The following MYO9A variants were observed in gnomAD, a reference collection of about 807,000 sequenced individuals.
The protein encoded by MYO9A is unconventional myosin-IXa.
MYO9A carries 103 observed loss-of-function variants against 293.3 expected under a neutral mutation model. That is an observed-to-expected ratio of 0.35 (90% confidence interval 0.30 to 0.41). The LOEUF is 0.41. Among genes scored for constraint, MYO9A ranks in the 10% least tolerant of loss-of-function variants. MYO9A has a pLI of 1.00. For synonymous variants in MYO9A, 1,001 were observed against 1,035.7 expected, an observed-to-expected ratio of 0.97 and a Z score of 0.64; for missense variants, 2,685 against 3,033.0, an observed-to-expected ratio of 0.89 and a Z score of 2.69.
chr15:72,075,374 G>A (rs2079318697), intron 1 of MYO9A, among the ~76,000 whole-genome samples: 1 of 151,886 alleles, frequency 6.6e-6, no homozygotes, highest in Non-Finnish European at 1.5e-5. Flanking sequence ...CTAACCCACG[G>A]ATGATGCAGA....
chr15:72,075,650 C>G (rs1425013748), intron 1 of MYO9A, among the ~76,000 whole-genome samples: 1 of 151,886 alleles, frequency 6.6e-6, no homozygotes, highest in African/African-American at 2.4e-5. Flanking sequence ...GAAAGCCAGG[C>G]ACAGTGATTC....
At position 72,017,531 on chromosome 15, in the gene MYO9A, T is replaced by C. The variant is rs575483802; in HGVS notation, c.1155+1508A>G. Among the ~76,000 whole-genome samples, 261 of 152,302 alleles carry C rather than the reference T, an allele frequency of 1.7e-3. 1 individual carries two copies. Among genetic ancestry groups the C allele is most frequent in the African/African-American group, 5.9e-3 (246 of 41,560 alleles). On this transcript the variant is annotated intron_variant, in intron 6 of 41. Coordinates refer to ENST00000356056, the MANE Select transcript of MYO9A (RefSeq NM_006901.4). ...GGCAAAAACAACTTAAATTTTTTGT[T>C]AAAATGTATCAGAATCTATAAATTT...
At chr15:71,921,340 T>C (rs766775364) in intron 18 of MYO9A, among the ~76,000 whole-genome samples, 13 of 152,234 alleles carry the variant, frequency 8.5e-5, no homozygotes, top group South Asian at 2.1e-4. Context: ...CTCAGAGTCA[T>C]AGTTGTACAA....
intron 18 of MYO9A, among the ~76,000 whole-genome samples, chr15:71,925,704 A>C (rs2058293541): frequency 6.6e-6 from 1 of 152,170 alleles, no homozygotes; most frequent in Admixed American, 6.5e-5. Context: ...TGCTGCCTTA[A>C]TTTACATCTT....
At chr15:71,839,799 C>T (rs1270642000) in intron 39 of MYO9A, among the ~76,000 whole-genome samples, 1 of 152,074 alleles carries the variant, frequency 6.6e-6, no homozygotes, top group African/African-American at 2.4e-5. Flanking sequence ...TTTGAAATGC[C>T]ACTCACATTA....
intron 9 of MYO9A, among the ~76,000 whole-genome samples, chr15:71,995,703 TA>T (rs899831604): frequency 1.3e-5 from 2 of 152,234 alleles, no homozygotes; most frequent in African/African-American, 4.8e-5. Context: ...TACATATTTA[TA>T]ACTCCATTTT....
rs1274973115 is a variant in MYO9A at position 72,094,994 on chromosome 15, T to G, written c.-72+22686A>C. Among the ~76,000 whole-genome samples the G allele has an allele frequency of 2.2e-5, 2 of 91,692 alleles. 1 individual carries two copies. Among genetic ancestry groups the G allele is most frequent in the Non-Finnish European group, 6.6e-5 (2 of 30,344 alleles). 60.2% of individuals were successfully genotyped at this position (91,692 alleles called of 152,430 possible). ...GCTGTTCCCTGACTCTTTCTTCTCG[T>G]TGGGCCTCACTATTGCCTGAAACAC... is the stretch of plus-strand genomic sequence containing the variant. On this transcript the variant is annotated intron_variant, in intron 1 of 41. Coordinates refer to ENST00000356056, the MANE Select transcript of MYO9A (RefSeq NM_006901.4).
intron 1 of MYO9A, among the ~76,000 whole-genome samples, chr15:72,081,675 G>A (rs1026197779): frequency 4.6e-5 from 7 of 152,130 alleles, no homozygotes; most frequent in Middle Eastern, 3.2e-3. Context: ...TACAGTTTTA[G>A]GTTTTAAATT....
chr15:71,860,986 A>AAAAAAAAAAAAAAAAAAAAC (rs2056097058), intron 33 of MYO9A, among the ~76,000 whole-genome samples: 1 of 150,882 alleles, frequency 6.6e-6, no homozygotes, highest in African/African-American at 2.4e-5. Context: ...AAAAAAAAAA[A>AAAAAAAAAAAAAAAAAAAAC]AAAAAAAATC....
intron 1 of MYO9A, among the ~76,000 whole-genome samples, chr15:72,109,712 A>C (rs2080708343): frequency 6.6e-6 from 1 of 152,022 alleles, no homozygotes; most frequent in South Asian, 2.1e-4. Flanking sequence ...AATATGGTGA[A>C]ACCCTGTCTC....
chr15:71,852,047 G>C, intron 36 of MYO9A, 85 bp downstream of exon 36: 1 of 1,392,122 alleles, frequency 7.2e-7, no homozygotes, highest in Non-Finnish European at 9.6e-7. Context: ...TAAACCACTA[G>C]AGGATGGCTT....
intron 39 of MYO9A, 143 bp from the exon 40 acceptor site, chr15:71,830,454 T>G: frequency 1.3e-6 from 1 of 769,306 alleles, no homozygotes; most frequent in Non-Finnish European, 2.1e-6. Context: ...CTAGGATATT[T>G]AGTGAGACAT....
Position 72,046,591 on chromosome 15 carries a change from AG to A in MYO9A, c.-29del. On this transcript the variant is annotated 5_prime_UTR_variant, in exon 2 of 42. It removes the in-frame stop codon of an upstream open reading frame in the 5' UTR. Transcript: ENST00000356056. ...TGGATCCTGTCCCATCAGCATGGAT[AG>A]TATATGTTCAAAGTCGTGCAAACCA... 1 of 1,540,062 alleles carries A rather than the reference AG, an allele frequency of 6.5e-7. No individual in the cohort carries two copies. Among genetic ancestry groups the A allele is most frequent in the Non-Finnish European group, 8.7e-7 (1 of 1,145,926 alleles).
chr15:72,033,016 A>AT (rs1273141553), intron 2 of MYO9A, among the ~76,000 whole-genome samples: 4 of 151,844 alleles, frequency 2.6e-5, no homozygotes, highest in Admixed American at 6.6e-5. Flanking sequence ...AAGCCTGGCT[A>AT]TTTTTTTGTA....
At chr15:71,924,216 TTTTG>T (rs771977136) in intron 18 of MYO9A, among the ~76,000 whole-genome samples, 37 of 151,898 alleles carry the variant, frequency 2.4e-4, no homozygotes, top group African/African-American at 4.3e-4. Flanking sequence ...CAACTTGAAA[TTTTG>T]TTTATTATTA....
At chr15:71,939,242 T>C (rs933068338) in intron 15 of MYO9A, among the ~76,000 whole-genome samples, 7 of 152,136 alleles carry the variant, frequency 4.6e-5, no homozygotes, top group African/African-American at 1.7e-4. Context: ...GGGGTACACA[T>C]GAAGGTTTGT....
At chr15:72,089,523 T>C (rs1310539825) in intron 1 of MYO9A, among the ~76,000 whole-genome samples, 1 of 151,854 alleles carries the variant, frequency 6.6e-6, no homozygotes, top group South Asian at 2.1e-4. Context: ...CTCACACCTA[T>C]AATCCCAGCA....
At chr15:71,887,860 C>A (rs1035135172) in intron 27 of MYO9A, 144 bp downstream of exon 27, 1 of 479,020 alleles carries the variant, frequency 2.1e-6, no homozygotes, top group African/African-American at 2.0e-5. Flanking sequence ...TAGGTACTTA[C>A]CATTTCTTGA....
chr15:71,844,244 A>C (rs1287496723), intron 39 of MYO9A, among the ~76,000 whole-genome samples: 1 of 152,186 alleles, frequency 6.6e-6, no homozygotes, highest in Non-Finnish European at 1.5e-5. Flanking sequence ...GGCACACAGT[A>C]CTGTCTAATC....
Sources: allele counts gnomAD v4.1 joint callset (sites outside exome capture counted in the v4.1 genomes callset), GRCh38; gene constraint gnomAD v4.1.1; transcripts MANE v1.5; gene names NCBI Gene and HGNC (gene_info 2026-07-23, HGNC 2026-07-21).